RABGAP1L: variants seen among roughly 807,000 people sequenced by gnomAD.
The protein encoded by RABGAP1L is RAB GTPase activating protein 1 like.
A neutral mutation model predicts 137.7 loss-of-function variants in RABGAP1L; 63 were observed. That is an observed-to-expected ratio of 0.46 (90% CI 0.37 to 0.56). RABGAP1L has a LOEUF of 0.56. RABGAP1L is among the 20% of genes least tolerant of loss of function. RABGAP1L has a pLI of 0.00. For synonymous variants in RABGAP1L, 431 were observed against 433.7 expected (o/e 0.99, Z 0.08); for missense variants, 1,095 against 1,244.0 (o/e 0.88, Z 1.80).
At chr1:174,640,814 AC>A (rs1674472208) in intron 14 of RABGAP1L, among the ~76,000 whole-genome samples, 1 of 151,682 alleles carries the variant, frequency 6.6e-6, no homozygotes, top group Non-Finnish European at 1.5e-5. Flanking sequence ...ATCATAGCAA[AC>A]ATCCTTTTCT....
intron 14 of RABGAP1L, among the ~76,000 whole-genome samples, chr1:174,683,174 G>C (rs549756152): frequency 1.4e-5 from 2 of 147,552 alleles, no homozygotes; most frequent in Admixed American, 1.4e-4. Context: ...TTCAACCTTA[G>C]AATCTTCTTA....
Position 174,273,240 on chromosome 1 carries a change from T to C in RABGAP1L, c.1053+760T>C, listed in dbSNP as rs73036645. Among the ~76,000 whole-genome samples, 797 of 152,150 alleles carry C rather than the reference T, an allele frequency of 5.2e-3. 10 individuals are homozygous for C. The highest frequency in any genetic ancestry group is 0.018 in the African/African-American group (757 of 41,552). On this transcript the variant is annotated intron_variant, in intron 8 of 25. Transcript: ENST00000681986. ...TAAACATTACTAATTAGGTCAACTT[T>C]TTTTTGAGTAATTTCATGGTAATAT...
chr1:174,337,482 A>G (rs1006421685), intron 11 of RABGAP1L, among the ~76,000 whole-genome samples: 1 of 152,228 alleles, frequency 6.6e-6, no homozygotes, highest in Non-Finnish European at 1.5e-5. Context: ...CCACAGAAAC[A>G]TAGAACATTA....
intron 19 of RABGAP1L, among the ~76,000 whole-genome samples, chr1:174,919,167 C>A (rs1661402248): frequency 6.6e-6 from 1 of 152,090 alleles, no homozygotes; most frequent in Non-Finnish European, 1.5e-5. Context: ...TACAGACATG[C>A]GCCGCCATGT....
intron 18 of RABGAP1L, among the ~76,000 whole-genome samples, chr1:174,753,152 A>G (rs1208203848): frequency 6.7e-6 from 1 of 148,216 alleles, no homozygotes; most frequent in Non-Finnish European, 1.5e-5. Flanking sequence ...TGAGATAATA[A>G]TAGGAATTAA....
At chr1:174,657,441 C>G (rs1676045475) in intron 14 of RABGAP1L, among the ~76,000 whole-genome samples, 1 of 152,160 alleles carries the variant, frequency 6.6e-6, no homozygotes, top group Non-Finnish European at 1.5e-5. Context: ...TATTCTACTT[C>G]TTTCTTCTAT....
intron 13 of RABGAP1L, among the ~76,000 whole-genome samples, chr1:174,411,133 C>T (rs1476618742): frequency 6.6e-6 from 1 of 152,062 alleles, no homozygotes; most frequent in Non-Finnish European, 1.5e-5. Context: ...TTCCAGGAAC[C>T]TTCTGGCAGA....
At chr1:174,192,595 T>TATA (rs1308109625) in intron 1 of RABGAP1L, among the ~76,000 whole-genome samples, 1 of 152,142 alleles carries the variant, frequency 6.6e-6, no homozygotes, top group Non-Finnish European at 1.5e-5. Context: ...GTGCTGGGAT[T>TATA]ACACACGTGA....
At chr1:174,846,332 T>A (rs1694046339) in intron 19 of RABGAP1L, among the ~76,000 whole-genome samples, 1 of 151,100 alleles carries the variant, frequency 6.6e-6, no homozygotes, top group Non-Finnish European at 1.5e-5. Flanking sequence ...GTGTCAATTT[T>A]GGATCTTTCC....
At chr1:174,755,061 TC>T (rs2148683978) in intron 18 of RABGAP1L, among the ~76,000 whole-genome samples, 1 of 152,306 alleles carries the variant, frequency 6.6e-6, no homozygotes, top group East Asian at 1.9e-4. Flanking sequence ...AATTGAGAGA[TC>T]AAAGCTCAAG....
chr1:174,343,421 T>C (rs1057009981), intron 11 of RABGAP1L, among the ~76,000 whole-genome samples: 2 of 152,228 alleles, frequency 1.3e-5, no homozygotes, highest in Non-Finnish European at 2.9e-5. Context: ...GAGTACCCTT[T>C]GTCTCATAAA....
chr1:174,752,088 T>C (rs1305861059), intron 17 of RABGAP1L, among the ~76,000 whole-genome samples: 1 of 152,196 alleles, frequency 6.6e-6, no homozygotes, highest in African/African-American at 2.4e-5. Flanking sequence ...AAATAACTTA[T>C]TGTAAAAACA....
intron 22 of RABGAP1L, among the ~76,000 whole-genome samples, chr1:174,977,854 T>C (rs1670784526): frequency 7.9e-6 from 1 of 126,312 alleles, no homozygotes; most frequent in African/African-American, 3.0e-5. Context: ...ACTTACCAAT[T>C]GCTTTTAGAA....
At chr1:174,656,445 G>A (rs1675978505) in intron 14 of RABGAP1L, among the ~76,000 whole-genome samples, 1 of 152,128 alleles carries the variant, frequency 6.6e-6, no homozygotes, top group African/African-American at 2.4e-5. Flanking sequence ...GCAACAGAGT[G>A]AGACTCCTTC....
chr1:174,313,991 G>A (rs1679121897), intron 11 of RABGAP1L, among the ~76,000 whole-genome samples: 1 of 152,044 alleles, frequency 6.6e-6, no homozygotes, highest in Non-Finnish European at 1.5e-5. Context: ...CGTTTGTCTG[G>A]TTTTGGTATC....
chr1:174,536,208 A>G (rs1019368431), intron 13 of RABGAP1L, among the ~76,000 whole-genome samples: 1 of 152,182 alleles, frequency 6.6e-6, no homozygotes, highest in Non-Finnish European at 1.5e-5. Context: ...AGGGGAAAAA[A>G]AAAAACCTCT....
At chr1:174,250,143 T>A (rs1036423819) in intron 5 of RABGAP1L, among the ~76,000 whole-genome samples, 27 of 152,156 alleles carry the variant, frequency 1.8e-4, no homozygotes, top group Admixed American at 1.4e-3. Flanking sequence ...AGTAAAAAAT[T>A]CTGTTAATTT....
intron 14 of RABGAP1L, among the ~76,000 whole-genome samples, chr1:174,660,156 G>A (rs1676267976): frequency 6.6e-6 from 1 of 152,194 alleles, no homozygotes; most frequent in Admixed American, 6.5e-5. Flanking sequence ...TGTGCTGCAA[G>A]TGAAGGACCT....
intron 13 of RABGAP1L, among the ~76,000 whole-genome samples, chr1:174,508,963 G>GT (rs1430444387): frequency 1.3e-5 from 2 of 152,122 alleles, no homozygotes; most frequent in Non-Finnish European, 2.9e-5. Flanking sequence ...TGGTGGTGTA[G>GT]TATTATACCG....
Sources: allele counts gnomAD v4.1 joint callset (sites outside exome capture counted in the v4.1 genomes callset), GRCh38; gene constraint gnomAD v4.1.1; transcripts MANE v1.5; gene names NCBI Gene and HGNC (gene_info 2026-07-23, HGNC 2026-07-21).